QDPR: variants seen among roughly 807,000 people sequenced by gnomAD.
The protein encoded by QDPR is quinoid dihydropteridine reductase.
In QDPR, 23 loss-of-function variants were observed where a neutral mutation model predicts 31.7. That is an observed-to-expected ratio of 0.73 (90% CI 0.52 to 1.03). QDPR has a LOEUF of 1.03. QDPR is among the 50% of genes least tolerant of loss of function. QDPR has a pLI of 0.00. For missense variants in QDPR, 324 were observed against 323.8 expected, an observed-to-expected ratio of 1.00 and a Z score of 0.00; for synonymous variants, 124 against 124.7, an observed-to-expected ratio of 0.99 and a Z score of 0.03.
At chr4:17,492,822 A>C (rs2108988001) in intron 4 of QDPR, among the ~76,000 whole-genome samples, 1 of 152,334 alleles carries the variant, frequency 6.6e-6, no homozygotes, top group South Asian at 2.1e-4. Context: ...GCTCACACAC[A>C]GACTTGTGCC....
At position 17,487,227 on chromosome 4, in the gene QDPR, A is replaced by G; in HGVS notation, c.639T>C (p.His213=). Residue 213 remains histidine, a synonymous_variant, in exon 7 of 7, where the codon CAT becomes CAC. Coordinates refer to ENST00000281243, the MANE Select transcript of QDPR (RefSeq NM_000320.3). The stretch of plus-strand genomic sequence containing the variant: ...GTCGGTTTTTCCCTGTGATCCAGTC[A>G]TGGAAAGTTCTGGAACAGAAAATAA... ...TPLEFLVETF[H]DWITGKNRPS... is the part of the protein sequence containing the mutation. The G allele has an allele frequency of 1.2e-6, 2 of 1,609,430 alleles. No homozygotes were observed. Among genetic ancestry groups the G allele is most frequent in the East Asian group, 2.2e-5 (1 of 44,572 alleles).
Position 17,491,426 on chromosome 4 carries a change from C to T in QDPR, c.546-681G>A, listed in dbSNP as rs904696089. Among the ~76,000 whole-genome samples, 5 of 152,192 alleles carry T rather than the reference C, an allele frequency of 3.3e-5. No individual in the cohort carries two copies. In the South Asian group the frequency reaches 1.0e-3, roughly 31 times the overall value. On this transcript the variant is annotated intron_variant, in intron 5 of 6. Transcript: ENST00000281243. ...GAGGCAAGCCTGCTGGTGCTGGAAG[C>T]CTTCCAGCGAGAAGGAGTAGCCTCC... is the stretch of plus-strand genomic sequence containing the variant.
intron 2 of QDPR, among the ~76,000 whole-genome samples, chr4:17,505,243 CTTTTTT>C (rs1230268105): frequency 9.7e-5 from 10 of 103,298 alleles, no homozygotes; most frequent in Admixed American, 2.2e-4. Flanking sequence ...CTTAAGATTT[CTTTTTT>C]TTTTTTTTTT....
intron 6 of QDPR, among the ~76,000 whole-genome samples, chr4:17,487,737 C>T (rs923254985): frequency 1.3e-5 from 2 of 152,108 alleles, no homozygotes; most frequent in East Asian, 1.9e-4. Context: ...CCAAGGCGGG[C>T]GGATCGCTTG....
intron 2 of QDPR, among the ~76,000 whole-genome samples, chr4:17,506,458 T>C (rs929146463): frequency 6.6e-6 from 1 of 152,180 alleles, no homozygotes; most frequent in Non-Finnish European, 1.5e-5. Flanking sequence ...TTTATTCACA[T>C]GAAACTATTT....
chr4:17,496,442 C>CAAAAAAAGAAAAAAAAAAAAAAAAAAAAA (rs1718357004), intron 4 of QDPR, among the ~76,000 whole-genome samples: 1 of 64,608 alleles, frequency 1.5e-5, no homozygotes, highest in Non-Finnish European at 2.8e-5. Flanking sequence ...AAAACTGTCT[C>CAAAAAAAGAAAAAAAAAAAAAAAAAAAAA]AAAAAAAAAA....
Position 17,487,206 on chromosome 4 carries a change from GTTTT to G in QDPR, c.656_659del (p.Lys219ThrfsTer8), listed in dbSNP as rs754432791. 1 of 1,613,068 alleles carries G rather than the reference GTTTT, an allele frequency of 6.2e-7. No individual in the cohort carries two copies. The highest frequency in any genetic ancestry group is 8.5e-7 in the Non-Finnish European group (1 of 1,179,546). ...GGATTAGGCTTCCTGAGCTCGGTCGGTTTTTCCCTGTGATCCAGTCATGGAAAGT... is the reference window on the plus strand; with the variant it reads ...GGATTAGGCTTCCTGAGCTCGGTCGGTCCCTGTGATCCAGTCATGGAAAGT... On this transcript the variant is annotated frameshift_variant, in exon 7 of 7. Coordinates refer to ENST00000281243, the MANE Select transcript of QDPR (RefSeq NM_000320.3). LOFTEE classifies it high-confidence loss of function.
chr4:17,493,233 A>G (rs1280166484), intron 4 of QDPR, among the ~76,000 whole-genome samples: 1 of 152,124 alleles, frequency 6.6e-6, no homozygotes, highest in Non-Finnish European at 1.5e-5. Flanking sequence ...CCTTGAGCCC[A>G]AGAGTTCCAA....
At position 17,508,441 on chromosome 4, in the gene QDPR, C is replaced by G. The variant is rs532556847; in HGVS notation, c.198+830G>C. The stretch of plus-strand genomic sequence containing the variant: ...ACAGTAGAGCAAGACTCTCTTAAAA[C>G]AAAAAACAATAATAATCAGATATGT... On this transcript the variant is annotated intron_variant, in intron 2 of 6. Coordinates refer to ENST00000281243, the MANE Select transcript of QDPR (RefSeq NM_000320.3). Among the ~76,000 whole-genome samples, 230 of 151,998 alleles carry G rather than the reference C, an allele frequency of 1.5e-3. 1 individual carries two copies. Among genetic ancestry groups the G allele is most frequent in the African/African-American group, 5.1e-3 (212 of 41,502 alleles).
intron 4 of QDPR, among the ~76,000 whole-genome samples, chr4:17,496,862 T>C (rs56317040): frequency 0.016 from 2,417 of 152,220 alleles, 27 homozygotes; most frequent in Non-Finnish European, 0.026. Flanking sequence ...GTTCAAGCGA[T>C]TCTCCTGCCT....
rs373625565 is a variant in QDPR at position 17,487,860 on chromosome 4, T to G, written c.630-624A>C. Among the ~76,000 whole-genome samples the G allele has an allele frequency of 1.6e-4, 25 of 152,344 alleles. No homozygotes were observed. In the South Asian group the frequency reaches 3.5e-3, roughly 21 times the overall value. On this transcript the variant is annotated intron_variant, in intron 6 of 6. Coordinates refer to ENST00000281243, the MANE Select transcript of QDPR (RefSeq NM_000320.3). The stretch of plus-strand genomic sequence containing the variant: ...GATGGACACATACCCAGGCCCCCAG[T>G]GAGTTCAGTGGTGTACTCATTCTAA...
At position 17,495,569 on chromosome 4, in the gene QDPR, C is replaced by T. The variant is rs1391517618; in HGVS notation, c.437-3229G>A. The stretch of plus-strand genomic sequence containing the variant: ...GGGATCCAATGCTAAGCTAAATAGG[C>T]TTTCCTGAAAACGACATGAAACGTG... On this transcript the variant is annotated intron_variant, in intron 4 of 6. Transcript: ENST00000281243. Among the ~76,000 whole-genome samples, 3 of 152,162 alleles carry T rather than the reference C, an allele frequency of 2.0e-5. No individual in the cohort carries two copies. In the East Asian group the frequency reaches 5.8e-4, roughly 29 times the overall value.
rs104893866 is a variant in QDPR at position 17,492,328 on chromosome 4, T to C, written c.449A>G (p.Tyr150Cys). The C allele has an allele frequency of 2.5e-6, 4 of 1,614,122 alleles. No individual in the cohort carries two copies. Among genetic ancestry groups the C allele is most frequent in the Middle Eastern group, 1.6e-4 (1 of 6,062 alleles). The change falls in exon 5 of 7, where the codon TAC (tyrosine) becomes TGC (cysteine). Residue 150 changes from tyrosine to cysteine, a missense_variant. Physicochemically the swap from Tyr to Cys is radical, Grantham distance 194. Transcript: ENST00000281243. ...ALDGTPGMIG[Y>C]GMAKGAVHQL... ...GTGAACAGCACCCTTGGCCATGCCG[T>C]ACCCGATCATACCTGGGAAATGGGG...
At chr4:17,498,357 C>A (rs1309282288) in intron 4 of QDPR, among the ~76,000 whole-genome samples, 3 of 152,162 alleles carry the variant, frequency 2.0e-5, no homozygotes, top group Non-Finnish European at 4.4e-5. Flanking sequence ...CTTAGCTTCT[C>A]TGTTTAATCA....
At chr4:17,496,183 C>T (rs779875073) in intron 4 of QDPR, among the ~76,000 whole-genome samples, 12 of 151,552 alleles carry the variant, frequency 7.9e-5, no homozygotes, top group Non-Finnish European at 1.5e-4. Flanking sequence ...CGGTGGCTCA[C>T]GCCTGTAATC....
rs1718503682 is a variant in QDPR at position 17,499,989 on chromosome 4, T to G, written c.436+1730A>C. On this transcript the variant is annotated intron_variant, in intron 4 of 6. Coordinates refer to ENST00000281243, the MANE Select transcript of QDPR (RefSeq NM_000320.3). ...TCAAAAAGAGCTCCCCCCACCTTTT[T>G]TTTTTTTCTTTTGAGAGGGAGTCTT... 2.0e-5 allele frequency among the ~76,000 whole-genome samples: 3 copies of G among 151,994 alleles called. No homozygotes were observed. In the South Asian group the frequency reaches 6.2e-4, roughly 32 times the overall value.
chr4:17,491,123 A>T (rs779497246), intron 5 of QDPR, among the ~76,000 whole-genome samples: 2 of 152,244 alleles, frequency 1.3e-5, no homozygotes, highest in Admixed American at 6.5e-5. Context: ...AGGATTTAAG[A>T]TAGTTATATG....
At chr4:17,489,032 T>A (rs1362955700) in intron 6 of QDPR, among the ~76,000 whole-genome samples, 1 of 152,236 alleles carries the variant, frequency 6.6e-6, no homozygotes, top group Non-Finnish European at 1.5e-5. Flanking sequence ...CTAGGCTACA[T>A]GTGCACAGCG....
At chr4:17,511,051 C>T (rs1286953854) in intron 1 of QDPR, among the ~76,000 whole-genome samples, 1 of 152,100 alleles carries the variant, frequency 6.6e-6, no homozygotes, top group Admixed American at 6.5e-5. Flanking sequence ...GTACTTTTGC[C>T]CCCTTCATCT....
Sources: gnomAD v4.1 joint callset for allele counts (sites outside exome capture counted in the v4.1 genomes callset) on GRCh38, gnomAD v4.1.1 for gene constraint, MANE v1.5 for transcripts, NCBI Gene and HGNC (gene_info 2026-07-23, HGNC 2026-07-21) for gene names.